OTOG: variants seen among roughly 807,000 people sequenced by gnomAD.
The protein encoded by OTOG is otogelin.
OTOG carries 296 observed loss-of-function variants against 313.8 expected under a neutral mutation model. That is an observed-to-expected ratio of 0.94 (90% CI 0.86 to 1.04). The LOEUF is 1.04. OTOG is among the 50% of genes least tolerant of loss of function. OTOG has a pLI of 0.00. For missense variants in OTOG, 3,948 were observed against 3,840.1 expected, an observed-to-expected ratio of 1.03 and a Z score of -0.74; for synonymous variants, 1,533 against 1,554.9, an observed-to-expected ratio of 0.99 and a Z score of 0.33.
chr11:17,558,483 G>T, intron 9 of OTOG, 55 bp from the exon 10 acceptor site: 1 of 1,543,932 alleles, frequency 6.5e-7, no homozygotes, highest in South Asian at 1.2e-5. Context: ...GTTCTGTGTG[G>T]GGCTGTGTGT....
At chr11:17,553,688 A>G (rs1349206457) in intron 6 of OTOG, among the ~76,000 whole-genome samples, 169 bp downstream of exon 6, 4 of 152,134 alleles carry the variant, frequency 2.6e-5, no homozygotes, top group East Asian at 1.9e-4. Context: ...GGGACTCCAC[A>G]GCTCTCGCTC....
At chr11:17,594,580 G>A (rs573014419) in intron 28 of OTOG, among the ~76,000 whole-genome samples, 49 of 152,316 alleles carry the variant, frequency 3.2e-4, no homozygotes, top group Middle Eastern at 6.8e-3. Flanking sequence ...GCACTTAAAG[G>A]CTGGGCCATG....
chr11:17,633,711 G>C lies in OTOG; in HGVS notation c.7104G>C (p.Gln2368His). ...TGTGCTCCAGCGACTCCACATACCA[G>C]GCATGTGTGACAGCCTGTGAGCCAC... is the stretch of plus-strand genomic sequence containing the variant. ...PFLCSSDSTY[Q>H]ACVTACEPPK... The change falls in exon 43 of 56, where the codon CAG (glutamine) becomes CAC (histidine). Residue 2368 changes from glutamine to histidine, a missense_variant. Gln to His is a conservative substitution (Grantham distance 24). Transcript: ENST00000399397. The C allele has an allele frequency of 6.5e-7, 1 of 1,548,304 alleles. No homozygotes were observed. Among genetic ancestry groups the C allele is most frequent in the Non-Finnish European group, 8.7e-7 (1 of 1,145,934 alleles).
At chr11:17,606,846 G>A (rs1437262765) in intron 33 of OTOG, among the ~76,000 whole-genome samples, 1 of 152,222 alleles carries the variant, frequency 6.6e-6, no homozygotes, top group Non-Finnish European at 1.5e-5. Context: ...CCAGGGCTGG[G>A]TGAGCTCATT....
Position 17,609,176 on chromosome 11 carries a change from G to A in OTOG, c.4321G>A (p.Glu1441Lys). 1 of 1,550,570 alleles carries A rather than the reference G, an allele frequency of 6.4e-7. No homozygotes were observed. Among genetic ancestry groups the A allele is most frequent in the African/African-American group, 1.4e-5 (1 of 73,136 alleles). The stretch of plus-strand genomic sequence containing the variant: ...GTGCCCCACCCCCCAGGTCCTGGAT[G>A]AAGTCACACAGAGATGTGTCTACTT... ...PVCPTPQVLD[E>K]VTQRCVYLED... The change falls in exon 35 of 56, where the codon GAA becomes AAA. Residue 1441 changes from glutamate (E) to lysine (K), a missense_variant. By Grantham distance (56) the Glu-to-Lys change is moderately conservative. Transcript: ENST00000399397.
chr11:17,609,774 A>AC lies in OTOG; in HGVS notation c.4479dup (p.Thr1494HisfsTer24). Reference sequence around the variant, plus strand: ...ACAGCTGTCACAGGAAAGCCCCAGGACCCCCACCCACAGGCCAGCCCTCAC... The same window carrying AC: ...ACAGCTGTCACAGGAAAGCCCCAGGACCCCCCACCCACAGGCCAGCCCTCAC... On this transcript the variant is annotated frameshift_variant, in exon 36 of 56. Coordinates refer to ENST00000399397, the MANE Select transcript of OTOG (RefSeq NM_001292063.2). LOFTEE classifies it high-confidence loss of function. 6.5e-7 allele frequency: 1 copy of AC among 1,547,052 alleles called. No homozygotes were observed. The highest frequency in any genetic ancestry group is 8.7e-7 in the Non-Finnish European group (1 of 1,145,588).
In OTOG at chr11:17,559,679, C is replaced by T. The variant is rs761843137; in HGVS notation, c.1342+17C>T. ...GCCCCAATGGTATGCTAGGGGCAGA[C>T]GTAGGTGCCTGGCACCATCTTCCTG... is the stretch of plus-strand genomic sequence containing the variant. On this transcript the variant is annotated intron_variant, in intron 12 of 55. Transcript: ENST00000399397. 82 of 1,548,172 alleles carry T rather than the reference C, an allele frequency of 5.3e-5. No individual in the cohort carries two copies. Among genetic ancestry groups the T allele is most frequent in the Non-Finnish European group, 5.6e-5 (64 of 1,145,796 alleles).
At chr11:17,627,311 T>A (rs1036548989) in intron 39 of OTOG, among the ~76,000 whole-genome samples, 7 of 151,322 alleles carry the variant, frequency 4.6e-5, no homozygotes, top group African/African-American at 1.7e-4. Context: ...CATTTTTTTT[T>A]AGGATTTTTA....
chr11:17,635,093 T>A lies in OTOG; in HGVS notation c.7599T>A (p.Asp2533Glu), dbSNP rs1164069750. The change falls in exon 46 of 56, where the codon GAT (aspartate) becomes GAA (glutamate). Residue 2533 changes from aspartate to glutamate, a missense_variant. Transcript: ENST00000399397. ...CCTTTTCCCCAGAGTGTGACCCAGATCTCTGTGAGGCAGAGCTGGTCCCCA... is the reference window on the plus strand; with the variant it reads ...CCTTTTCCCCAGAGTGTGACCCAGAACTCTGTGAGGCAGAGCTGGTCCCCA... ...CPSYSCECDP[D>E]LCEAELVPSC... 16 of 1,548,702 alleles carry A rather than the reference T, an allele frequency of 1.0e-5. No homozygotes were observed. Among genetic ancestry groups the A allele is most frequent in the African/African-American group, 1.4e-5 (1 of 72,902 alleles).
chr11:17,612,045 A>G, intron 36 of OTOG, 117 bp from the exon 37 acceptor site: 1 of 1,268,582 alleles, frequency 7.9e-7, no homozygotes, highest in South Asian at 1.4e-5. Flanking sequence ...CTCTTTCCCT[A>G]GAAGGTCCCC....
At position 17,631,389 on chromosome 11, in the gene OTOG, T is replaced by TG. The variant is rs772265474; in HGVS notation, c.6713-304dup. On this transcript the variant is annotated intron_variant, in intron 40 of 55. Transcript: ENST00000399397. ...CTCTCTCTCTCTCTCTGTGTGTGTG[T>TG]GGGGGGGGGTATACATTTTTATATG... is the stretch of plus-strand genomic sequence containing the variant. 0.014 allele frequency among the ~76,000 whole-genome samples: 1,650 copies of TG among 115,906 alleles called. 26 individuals are homozygous for TG. The highest frequency in any genetic ancestry group is 0.033 in the African/African-American group (1,031 of 31,170). 76.0% of individuals were successfully genotyped at this position (115,906 alleles called of 152,430 possible).
Position 17,632,236 on chromosome 11 carries a change from C to CG in OTOG, c.7072+14dup. On this transcript the variant is annotated intron_variant, in intron 42 of 55. Coordinates refer to ENST00000399397, the MANE Select transcript of OTOG (RefSeq NM_001292063.2). Reference sequence around the variant, plus strand: ...CGCTCTGACTACTGCCGTGAGTTTGCGGGGCAGGGGGACCCTCCATTGTGA... The same window carrying CG: ...CGCTCTGACTACTGCCGTGAGTTTGCGGGGGCAGGGGGACCCTCCATTGTGA... 1 of 1,547,298 alleles carries CG rather than the reference C, an allele frequency of 6.5e-7. No individual in the cohort carries two copies. Among genetic ancestry groups the CG allele is most frequent in the African/African-American group, 1.4e-5 (1 of 73,124 alleles).
rs187335771 is a variant in OTOG, at chr11:17,553,092, G to T, written c.293-27G>T. 1.2e-4 allele frequency: 193 copies of T among 1,548,090 alleles called. No individual in the cohort carries two copies. In the African/African-American group the frequency reaches 2.3e-3, roughly 19 times the overall value. ...GGTTCTGCCAATCTCAGCTTGATGG[G>T]GCAATGACTCTGTGTCTCCCATGCA... On this transcript the variant is annotated intron_variant, in intron 4 of 55. Transcript: ENST00000399397.
chr11:17,641,107 G>C lies in OTOG; in HGVS notation c.8190+16G>C. ...CTGTGAGGCGGTAGGGTGCAGCCCA[G>C]GGCGGGGTGGGTGGGGTTGGGAGGG... On this transcript the variant is annotated intron_variant, in intron 51 of 55. Coordinates refer to ENST00000399397, the MANE Select transcript of OTOG (RefSeq NM_001292063.2). 1 of 1,524,084 alleles carries C rather than the reference G, an allele frequency of 6.6e-7. No homozygotes were observed. Among genetic ancestry groups the C allele is most frequent in the Non-Finnish European group, 8.8e-7 (1 of 1,135,570 alleles). 94.4% of individuals were successfully genotyped at this position (1,524,084 alleles called of 1,614,324 possible).
rs1053892248 is a variant in OTOG, at chr11:17,612,906, G to C, written c.6438+141G>C. ...GAGCTCCCTCTGTCTCCAGGAATGG[G>C]CAGGGCCTCCCAGGTGATGGCTCCC... On this transcript the variant is annotated intron_variant, in intron 38 of 55. Transcript: ENST00000399397. 7 of 1,069,958 alleles carry C rather than the reference G, an allele frequency of 6.5e-6. No homozygotes were observed. The African/African-American group carries it at 8.0e-5, about 12-fold the overall frequency. The allele number at this position is 1,069,958 out of a possible 1,614,324, so 66.3% of individuals were successfully genotyped here.
At chr11:17,602,843 A>G (rs1415515438) in intron 32 of OTOG, among the ~76,000 whole-genome samples, 1 of 152,186 alleles carries the variant, frequency 6.6e-6, no homozygotes, top group Non-Finnish European at 1.5e-5. Context: ...TACAAGAGAC[A>G]AGGTCCCTGC....
chr11:17,610,564 A>C lies in OTOG; in HGVS notation c.5264A>C (p.His1755Pro). 6.5e-7 allele frequency: 1 copy of C among 1,550,382 alleles called. No homozygotes were observed. Among genetic ancestry groups the C allele is most frequent in the South Asian group, 1.2e-5 (1 of 84,004 alleles). ...TCTGCACCACCCCGCCCAGCCCAGCATACCACCATGGCCACCAGGTCTCCA... is the reference window on the plus strand; with the variant it reads ...TCTGCACCACCCCGCCCAGCCCAGCCTACCACCATGGCCACCAGGTCTCCA... ...LPSAPPRPAQ[H>P]TTMATRSPAL... The change falls in exon 36 of 56, where the codon CAT becomes CCT. Residue 1755 changes from histidine (H) to proline (P), a missense_variant. Coordinates refer to ENST00000399397, the MANE Select transcript of OTOG (RefSeq NM_001292063.2).
Position 17,631,767 on chromosome 11 carries a change from G to A in OTOG, c.6778G>A (p.Glu2260Lys). Residue 2260 changes from glutamate (E) to lysine (K), a missense_variant, in exon 41 of 56, where the codon GAG (glutamate) becomes AAG (lysine). Glu to Lys is a moderately conservative substitution (Grantham distance 56). Transcript: ENST00000399397. ...GGATGGCTCAGTGGTGGGTGGGGCT[G>A]AGGACCCTGCTCCCTTTCTGGACAG... ...LKDGSVVGGA[E>K]DPAPFLDSWQ... The A allele has an allele frequency of 1.3e-6, 2 of 1,550,612 alleles. No individual in the cohort carries two copies. Among genetic ancestry groups the A allele is most frequent in the Non-Finnish European group, 1.7e-6 (2 of 1,146,998 alleles).
At position 17,547,327 on chromosome 11, in the gene OTOG, G is replaced by C. The variant is rs939540958; in HGVS notation, c.-46G>C. 3.8e-6 allele frequency: 5 copies of C among 1,298,900 alleles called. No homozygotes were observed. The highest frequency in any genetic ancestry group is 6.2e-5 in the East Asian group (2 of 32,272). 80.5% of individuals were successfully genotyped at this position (1,298,900 alleles called of 1,614,324 possible). ...CTGCCTTAGCCCGGGGAGGCACCTC[G>C]GGAGGCTGGCCCTGCGCTCAAGTCC... On this transcript the variant is annotated 5_prime_UTR_variant, in exon 1 of 56. Coordinates refer to ENST00000399397, the MANE Select transcript of OTOG (RefSeq NM_001292063.2).
Sources: gnomAD v4.1 joint callset for allele counts (sites outside exome capture counted in the v4.1 genomes callset) on GRCh38, gnomAD v4.1.1 for gene constraint, MANE v1.5 for transcripts, NCBI Gene and HGNC (gene_info 2026-07-23, HGNC 2026-07-21) for gene names.